Variants in SLC24A4 observed in about 807,000 individuals in gnomAD.
SLC24A4 encodes the protein solute carrier family 24 member 4.
Under a neutral mutation model 79.0 loss-of-function variants are expected in SLC24A4, and 53 were observed. That is an observed-to-expected ratio of 0.67 (90% CI 0.54 to 0.84). The LOEUF (loss-of-function observed/expected upper bound fraction) is 0.84, where lower values mean the gene tolerates loss of function less well. Among genes scored for constraint, SLC24A4 ranks in the 40% least tolerant of loss-of-function variants. The pLI, the probability that SLC24A4 is intolerant of heterozygous loss-of-function variation, is 0.00. For missense variants in SLC24A4, 731 were observed against 822.0 expected (o/e 0.89, Z 1.35); for synonymous variants, 323 against 323.8 (o/e 1.00, Z 0.03).
chr14:92,484,875 T>A, intron 13 of SLC24A4: 1 of 985,444 alleles, frequency 1.0e-6, no homozygotes, highest in Non-Finnish European at 1.2e-6. Context: ...ATCATGAGCG[T>A]TGCTGAATAA....
Position 92,492,195 on chromosome 14 carries a change from G to A in SLC24A4, c.1671G>A (p.Gly557=), listed in dbSNP as rs141392743. Residue 557 remains glycine (G), a synonymous_variant, in exon 16 of 17, where the codon GGG becomes GGA. Coordinates refer to ENST00000532405, the MANE Select transcript of SLC24A4 (RefSeq NM_153646.4). Reference sequence around the variant, plus strand: ...TCCAGGTGAAGATCAACAGCCGGGGGCTGGTCTATTCCGTGGTCCTGTTGC... The same window carrying A: ...TCCAGGTGAAGATCAACAGCCGGGGACTGGTCTATTCCGTGGTCCTGTTGC... ...YGSTVKINSR[G]LVYSVVLLLG... 2.5e-6 allele frequency: 4 copies of A among 1,614,152 alleles called. No homozygotes were observed. In the South Asian group the frequency reaches 4.4e-5, roughly 18 times the overall value.
At chr14:92,382,023 T>C (rs1025224461) in intron 2 of SLC24A4, among the ~76,000 whole-genome samples, 44 of 152,262 alleles carry the variant, frequency 2.9e-4, no homozygotes, top group African/African-American at 1.1e-3. Flanking sequence ...ATTGTAGCGA[T>C]TCAAACCCAC....
intron 2 of SLC24A4, among the ~76,000 whole-genome samples, chr14:92,380,837 C>T (rs1462588848): frequency 6.6e-6 from 1 of 152,196 alleles, no homozygotes; most frequent in Middle Eastern, 3.2e-3. Context: ...AGGCTGGACT[C>T]AAGGTGCTGC....
At chr14:92,478,186 G>C (rs995090446) in intron 12 of SLC24A4, among the ~76,000 whole-genome samples, 1 of 152,180 alleles carries the variant, frequency 6.6e-6, no homozygotes, top group Non-Finnish European at 1.5e-5. Context: ...TTATTCTTTT[G>C]TTGCTTGTGA....
At chr14:92,422,781 G>A (rs1262684347) in intron 2 of SLC24A4, among the ~76,000 whole-genome samples, 1 of 152,180 alleles carries the variant, frequency 6.6e-6, no homozygotes, top group African/African-American at 2.4e-5. Context: ...TGGTTGTGCA[G>A]TACGTAGAAA....
intron 2 of SLC24A4, among the ~76,000 whole-genome samples, chr14:92,394,501 A>G (rs1889661130): frequency 6.6e-6 from 1 of 152,178 alleles, no homozygotes; most frequent in Admixed American, 6.5e-5. Flanking sequence ...GCCACGCAGG[A>G]GAGTTTGAGA....
At chr14:92,413,580 G>A (rs1309202232) in intron 2 of SLC24A4, among the ~76,000 whole-genome samples, 2 of 152,136 alleles carry the variant, frequency 1.3e-5, no homozygotes, top group African/African-American at 2.4e-5. Context: ...CCCCTCCTCC[G>A]TAGGTTGCAA....
intron 2 of SLC24A4, among the ~76,000 whole-genome samples, chr14:92,335,962 G>A (rs868771087): frequency 6.6e-6 from 1 of 152,294 alleles, no homozygotes. Flanking sequence ...GTGCTTCTTG[G>A]TAGGTTTCTA....
intron 2 of SLC24A4, among the ~76,000 whole-genome samples, chr14:92,380,690 A>G (rs971743550): frequency 4.6e-5 from 7 of 152,218 alleles, no homozygotes; most frequent in African/African-American, 1.7e-4. Flanking sequence ...AGGGTCACAC[A>G]ACACTGGGCC....
intron 3 of SLC24A4, among the ~76,000 whole-genome samples, chr14:92,434,914 C>T (rs896675976): frequency 6.6e-6 from 1 of 152,162 alleles, no homozygotes; most frequent in Non-Finnish European, 1.5e-5. Context: ...GCTGGTATTA[C>T]AGGCATGTGC....
chr14:92,475,851 A>G (rs745501173), intron 12 of SLC24A4, among the ~76,000 whole-genome samples: 2 of 152,204 alleles, frequency 1.3e-5, no homozygotes, highest in Non-Finnish European at 2.9e-5. Flanking sequence ...TTTTTAAAAA[A>G]GAAAATGCTG....
rs36185636 is a variant in SLC24A4 at position 92,474,863 on chromosome 14, A to ATATATATATATATATATT, written c.1256-7816_1256-7815insATATATATATATATATTT. Among the ~76,000 whole-genome samples the ATATATATATATATATATT allele has an allele frequency of 2.5e-3, 145 of 57,102 alleles. 5 individuals carry two copies. Among genetic ancestry groups the ATATATATATATATATATT allele is most frequent in the Non-Finnish European group, 3.5e-3 (102 of 29,112 alleles). 37.5% of individuals were successfully genotyped at this position (57,102 alleles called of 152,430 possible). A position where few individuals can be genotyped will look rare whatever the true frequency, so the allele number is the denominator to read the frequency against. On this transcript the variant is annotated intron_variant, in intron 12 of 16. Transcript: ENST00000532405. Reference sequence around the variant, plus strand: ...TGTGTGTATATATATATATATATATATTTTTTTTTTTTTTAGTAGACACAG... The same window carrying ATATATATATATATATATT: ...TGTGTGTATATATATATATATATATATATATATATATATATATTTTTTTTTTTTTTTTAGTAGACACAG...
chr14:92,491,589 T>C (rs986320077), intron 14 of SLC24A4, 76 bp from the exon 15 acceptor site: 24 of 1,007,464 alleles, frequency 2.4e-5, no homozygotes, highest in Non-Finnish European at 3.8e-5. Context: ...ATGGCACTGA[T>C]AGAACAGTTA....
chr14:92,431,044 A>G (rs1891843057), intron 2 of SLC24A4, among the ~76,000 whole-genome samples: 1 of 152,160 alleles, frequency 6.6e-6, no homozygotes, highest in African/African-American at 2.4e-5. Flanking sequence ...CTGGGATTAC[A>G]CTGCTCCAGG....
intron 2 of SLC24A4, among the ~76,000 whole-genome samples, chr14:92,374,690 T>C (rs1249093791): frequency 6.6e-6 from 1 of 152,250 alleles, no homozygotes; most frequent in Non-Finnish European, 1.5e-5. Context: ...GATCGGAGTC[T>C]GAATTTTATA....
At position 92,486,494 on chromosome 14, in the gene SLC24A4, C is replaced by A. The variant is rs4904941; in HGVS notation, c.1423-172C>A. Among the ~76,000 whole-genome samples, 28,507 of 152,122 alleles carry A rather than the reference C, an allele frequency of 0.19. 2,855 individuals are homozygous for A. Among genetic ancestry groups the A allele is most frequent in the East Asian group, 0.31 (1,604 of 5,176 alleles). ...CTTCCATCCTTTGGCTTCTTAGCCT[C>A]GTAGTTCAGTGGGGGTTTTTTTTGT... On this transcript the variant is annotated intron_variant, in intron 13 of 16. Coordinates refer to ENST00000532405, the MANE Select transcript of SLC24A4 (RefSeq NM_153646.4).
chr14:92,414,695 G>A (rs994087867), intron 2 of SLC24A4, among the ~76,000 whole-genome samples: 2 of 152,162 alleles, frequency 1.3e-5, no homozygotes, highest in African/African-American at 2.4e-5. Flanking sequence ...AGCTGTGATC[G>A]CACCACCACA....
chr14:92,481,111 T>C (rs1042570229), intron 12 of SLC24A4, among the ~76,000 whole-genome samples: 1 of 152,222 alleles, frequency 6.6e-6, no homozygotes, highest in Non-Finnish European at 1.5e-5. Flanking sequence ...AACTCTATAG[T>C]AGCCTTTCCT....
intron 2 of SLC24A4, among the ~76,000 whole-genome samples, chr14:92,394,341 A>C (rs953597343): frequency 6.5e-4 from 99 of 152,178 alleles, no homozygotes; most frequent in African/African-American, 2.1e-3. Flanking sequence ...TATGCCTATA[A>C]TCCTAGTGCT....
Sources: gnomAD v4.1 joint callset for allele counts (sites outside exome capture counted in the v4.1 genomes callset) on GRCh38, gnomAD v4.1.1 for gene constraint, MANE v1.5 for transcripts, NCBI Gene and HGNC (gene_info 2026-07-23, HGNC 2026-07-21) for gene names.